DSCAM: variants seen among roughly 807,000 people sequenced by gnomAD.
DSCAM encodes the protein cell adhesion molecule DSCAM.
A neutral mutation model predicts 217.7 loss-of-function variants in DSCAM; 47 were observed. That is an observed-to-expected ratio of 0.22 (90% CI 0.17 to 0.28). The LOEUF (loss-of-function observed/expected upper bound fraction) is 0.28, where lower values mean the gene tolerates loss of function less well. Ranked by LOEUF, DSCAM falls within the 10% of genes least tolerant of loss-of-function variation. The pLI is 1.00. For missense variants in DSCAM, 2,080 were observed against 2,618.3 expected (o/e 0.79, Z 4.49); for synonymous variants, 1,056 against 1,015.3 (o/e 1.04, Z -0.76).
chr21:40,457,627 CATATTATGAAA>C, intron 3 of DSCAM, among the ~76,000 whole-genome samples: 1 of 152,212 alleles, frequency 6.6e-6, no homozygotes, highest in Non-Finnish European at 1.5e-5. Context: ...CCCACATTTT[CATATTATGAAA>C]AGAAATATTG....
At chr21:40,390,686 G>C (rs1457316293) in intron 3 of DSCAM, among the ~76,000 whole-genome samples, 1 of 151,826 alleles carries the variant, frequency 6.6e-6, no homozygotes, top group Non-Finnish European at 1.5e-5. Flanking sequence ...GATTATGGCA[G>C]CGTAATTCCA....
At position 40,149,439 on chromosome 21, in the gene DSCAM, C is replaced by G. The variant is rs367727035; in HGVS notation, c.3019-4708G>C. Reference sequence around the variant, plus strand: ...CTCCATCACTATCCCAACACCAATACCACTGTCACCACAACATCCAATACT... The same window carrying G: ...CTCCATCACTATCCCAACACCAATAGCACTGTCACCACAACATCCAATACT... On this transcript the variant is annotated intron_variant, in intron 16 of 32. Coordinates refer to ENST00000400454, the MANE Select transcript of DSCAM (RefSeq NM_001389.5). Among the ~76,000 whole-genome samples, 442 of 135,140 alleles carry G rather than the reference C, an allele frequency of 3.3e-3. 2 individuals carry two copies. The highest frequency in any genetic ancestry group is 0.02 in the Middle Eastern group (5 of 244). The allele number at this position is 135,140 out of a possible 152,430, so 88.7% of individuals were successfully genotyped here. A position where few individuals can be genotyped will look rare whatever the true frequency, so the allele number is the denominator to read the frequency against.
At chr21:40,267,245 G>C (rs973319235) in intron 11 of DSCAM, among the ~76,000 whole-genome samples, 11 of 149,608 alleles carry the variant, frequency 7.4e-5, no homozygotes, top group African/African-American at 2.8e-4. Context: ...GGACCTGCCT[G>C]AGCTGTTTTA....
At chr21:40,026,047 G>A (rs143645103) in intron 32 of DSCAM, among the ~76,000 whole-genome samples, 4 of 130,888 alleles carry the variant, frequency 3.1e-5, no homozygotes, top group East Asian at 2.1e-4. Context: ...CTTTGAATGC[G>A]TCCCAGAGAT....
chr21:40,425,428 C>T lies in DSCAM; in HGVS notation c.509-56183G>A, dbSNP rs183484789. ...GGTTGACGAGTTAACGGGTGCAGCA[C>T]ACCAACCTGGCGCATGTATACATAT... On this transcript the variant is annotated intron_variant, in intron 3 of 32. Transcript: ENST00000400454. Among the ~76,000 whole-genome samples the T allele has an allele frequency of 9.2e-5, 14 of 152,128 alleles. No individual in the cohort carries two copies. The East Asian group carries it at 1.2e-3, about 13-fold the overall frequency.
At position 40,528,898 on chromosome 21, in the gene DSCAM, C is replaced by CTTTTTTTTTTTTTTTTTTTTTTTT. The variant is rs911356584; in HGVS notation, c.509-159654_509-159653insAAAAAAAAAAAAAAAAAAAAAAAA. 6.6e-4 allele frequency among the ~76,000 whole-genome samples: 66 copies of CTTTTTTTTTTTTTTTTTTTTTTTT among 99,376 alleles called. 12 individuals carry two copies. The highest frequency in any genetic ancestry group is 2.9e-3 in the African/African-American group (59 of 20,546). 65.2% of individuals were successfully genotyped at this position (99,376 alleles called of 152,430 possible). A position where few individuals can be genotyped will look rare whatever the true frequency, so the allele number is the denominator to read the frequency against. Reference sequence around the variant, plus strand: ...TCTTTGGCAATGTCCAGGCTTTCCACTTTTTTTTTTTTTTTTTTTTTTTGA... The same window carrying CTTTTTTTTTTTTTTTTTTTTTTTT: ...TCTTTGGCAATGTCCAGGCTTTCCACTTTTTTTTTTTTTTTTTTTTTTTTTTTTTTTTTTTTTTTTTTTTTTTGA... On this transcript the variant is annotated intron_variant, in intron 3 of 32. Coordinates refer to ENST00000400454, the MANE Select transcript of DSCAM (RefSeq NM_001389.5).
chr21:40,286,839 A>ATCCATGGTG (rs2073831901), intron 10 of DSCAM, among the ~76,000 whole-genome samples: 7 of 149,944 alleles, frequency 4.7e-5, no homozygotes, highest in Non-Finnish European at 7.4e-5. Flanking sequence ...GATCTGCAGT[A>ATCCATGGTG]TGATCTGCAG....
chr21:40,161,382 A>G (rs947147351), intron 16 of DSCAM, among the ~76,000 whole-genome samples: 1 of 152,002 alleles, frequency 6.6e-6, no homozygotes, highest in African/African-American at 2.4e-5. Context: ...ATGCAAATTT[A>G]GTCACCTAGG....
chr21:40,214,952 C>CAA lies in DSCAM; in HGVS notation c.2357-25715_2357-25714insTT, dbSNP rs1601448836. 4.6e-4 allele frequency among the ~76,000 whole-genome samples: 47 copies of CAA among 103,292 alleles called. 3 individuals carry two copies. Among genetic ancestry groups the CAA allele is most frequent in the South Asian group, 9.6e-4 (3 of 3,110 alleles). The allele number at this position is 103,292 out of a possible 152,430, so 67.8% of individuals were successfully genotyped here. A position where few individuals can be genotyped will look rare whatever the true frequency, so the allele number is the denominator to read the frequency against. ...ATTCACAACTGTAAAGATATGGAAT[C>CAA]CTCACGCCTGTAATCCCAGCACTTT... On this transcript the variant is annotated intron_variant, in intron 11 of 32. Transcript: ENST00000400454.
intron 3 of DSCAM, among the ~76,000 whole-genome samples, chr21:40,413,906 A>G (rs1407431547): frequency 6.6e-6 from 1 of 152,234 alleles, no homozygotes; most frequent in African/African-American, 2.4e-5. Flanking sequence ...CATAGGGGAA[A>G]AAAAACTAAG....
intron 3 of DSCAM, among the ~76,000 whole-genome samples, chr21:40,579,180 G>T (rs1054289853): frequency 1.8e-4 from 27 of 151,946 alleles, no homozygotes; most frequent in African/African-American, 6.3e-4. Flanking sequence ...ATGGGTCTGT[G>T]TTTTTTTGGA....
intron 8 of DSCAM, among the ~76,000 whole-genome samples, chr21:40,315,537 A>AGGTAGCT (rs2074187186): frequency 6.6e-6 from 1 of 152,228 alleles, no homozygotes; most frequent in Non-Finnish European, 1.5e-5. Flanking sequence ...CAGAAGTAAG[A>AGGTAGCT]GGTAGCTATA....
At chr21:40,823,313 G>C (rs2091944534) in intron 1 of DSCAM, among the ~76,000 whole-genome samples, 1 of 151,834 alleles carries the variant, frequency 6.6e-6, no homozygotes, top group African/African-American at 2.4e-5. Context: ...CCATTAAGCT[G>C]CTCAACGAAA....
At chr21:40,283,152 T>C (rs2073785515) in intron 10 of DSCAM, among the ~76,000 whole-genome samples, 1 of 152,224 alleles carries the variant, frequency 6.6e-6, no homozygotes, top group Non-Finnish European at 1.5e-5. Context: ...TTTGACAGAA[T>C]TATTTATCAG....
chr21:40,442,700 C>T (rs562504635), intron 3 of DSCAM, among the ~76,000 whole-genome samples: 17 of 151,926 alleles, frequency 1.1e-4, no homozygotes, highest in African/African-American at 2.7e-4. Context: ...TCAGTAAAGA[C>T]GGGGTTTCAC....
chr21:40,822,768 CTT>C (rs2091939546), intron 1 of DSCAM, among the ~76,000 whole-genome samples: 1 of 152,170 alleles, frequency 6.6e-6, no homozygotes, highest in African/African-American at 2.4e-5. Flanking sequence ...CCCTACTTCT[CTT>C]TATTTTCAGT....
At chr21:40,548,511 A>ATATATAT (rs59485695) in intron 3 of DSCAM, among the ~76,000 whole-genome samples, 145 of 132,782 alleles carry the variant, frequency 1.1e-3, no homozygotes, top group African/African-American at 3.5e-3. Context: ...AGTAAAAAAA[A>ATATATAT]AAATATATAT....
intron 28 of DSCAM, among the ~76,000 whole-genome samples, chr21:40,058,661 T>A (rs955039067): frequency 6.6e-6 from 1 of 152,246 alleles, no homozygotes; most frequent in African/African-American, 2.4e-5. Flanking sequence ...GGTCACTGGA[T>A]TCCAACTAAG....
intron 11 of DSCAM, among the ~76,000 whole-genome samples, chr21:40,234,579 A>G (rs2091409626): frequency 6.6e-6 from 1 of 152,126 alleles, no homozygotes; most frequent in Non-Finnish European, 1.5e-5. Context: ...ACTCCTGTCT[A>G]TTGTAGCCTC....
Sources: gnomAD v4.1 joint callset for allele counts (sites outside exome capture counted in the v4.1 genomes callset) on GRCh38, gnomAD v4.1.1 for gene constraint, MANE v1.5 for transcripts, NCBI Gene and HGNC (gene_info 2026-07-23, HGNC 2026-07-21) for gene names.